The following FBXL20 variants were observed in gnomAD, a reference collection of about 807,000 sequenced individuals.
The protein encoded by FBXL20 is F-box/LRR-repeat protein 20.
In FBXL20, 11 loss-of-function variants were observed where a neutral mutation model predicts 64.0. That is an observed-to-expected ratio of 0.17 (90% confidence interval 0.11 to 0.28). The LOEUF (loss-of-function observed/expected upper bound fraction) is 0.28. Among genes scored for constraint, FBXL20 ranks in the 10% least tolerant of loss-of-function variants. The probability of loss-of-function intolerance (pLI) is 1.00; values close to 1 mark genes in which losing one functional copy is unlikely to be tolerated. For missense variants in FBXL20, 303 were observed against 526.2 expected (o/e 0.58, Z 4.15); for synonymous variants, 184 against 189.0 (o/e 0.97, Z 0.22).
At chr17:39,386,178 G>A (rs888372493) in intron 1 of FBXL20, among the ~76,000 whole-genome samples, 28 of 151,502 alleles carry the variant, frequency 1.8e-4, no homozygotes, top group Non-Finnish European at 3.7e-4. Flanking sequence ...CCGGTGGTAC[G>A]TGCCTGTATT....
At position 39,373,571 on chromosome 17, in the gene FBXL20, C is replaced by A. The variant is rs570735832; in HGVS notation, c.42+27790G>T. Reference sequence around the variant, plus strand: ...TTTCTCCATTTGTCTAGAAATTCTGCAAGGATGAGGAATGCTTTTCTTGAG... The same window carrying A: ...TTTCTCCATTTGTCTAGAAATTCTGAAAGGATGAGGAATGCTTTTCTTGAG... On this transcript the variant is annotated intron_variant, in intron 1 of 14. Coordinates refer to ENST00000264658, the MANE Select transcript of FBXL20 (RefSeq NM_032875.3). Among the ~76,000 whole-genome samples the A allele has an allele frequency of 1.2e-4, 18 of 152,302 alleles. No homozygotes were observed. The South Asian group carries it at 3.7e-3, about 32-fold the overall frequency.
At chr17:39,365,284 A>T (rs952366880) in intron 1 of FBXL20, among the ~76,000 whole-genome samples, 1 of 152,222 alleles carries the variant, frequency 6.6e-6, no homozygotes, top group Non-Finnish European at 1.5e-5. Flanking sequence ...TTCTTGCCCG[A>T]ATCTAAAAGG....
chr17:39,274,897 G>T (rs2046876180), intron 10 of FBXL20, 73 bp downstream of exon 10: 1 of 1,592,754 alleles, frequency 6.3e-7, no homozygotes. Flanking sequence ...AAATTCCAAA[G>T]TTCCAAGGAA....
chr17:39,374,476 G>A (rs2047948299), intron 1 of FBXL20, among the ~76,000 whole-genome samples: 1 of 151,696 alleles, frequency 6.6e-6, no homozygotes, highest in Admixed American at 6.6e-5. Context: ...GGGAGGCGGA[G>A]GTTGCAGTGA....
chr17:39,356,985 G>T (rs1450327421), intron 1 of FBXL20, among the ~76,000 whole-genome samples: 1 of 148,478 alleles, frequency 6.7e-6, no homozygotes, highest in African/African-American at 2.5e-5. Context: ...AGTCTTTAAA[G>T]CAAATGGGGC....
intron 1 of FBXL20, among the ~76,000 whole-genome samples, chr17:39,350,411 C>T (rs1469437349): frequency 1.3e-5 from 2 of 151,920 alleles, no homozygotes; most frequent in Non-Finnish European, 2.9e-5. Flanking sequence ...ATCGCTTGAA[C>T]CTGGAAGGCA....
rs986664519 is a variant in FBXL20 at position 39,253,087 on chromosome 17, C to T, written c.*8373G>A. The stretch of plus-strand genomic sequence containing the variant: ...AGGGAATCAGACCCTTCAGGTCAAC[C>T]ACCTCTGCATTTTACCCCCTCAGGG... On this transcript the variant is annotated 3_prime_UTR_variant, in exon 15 of 15. Transcript: ENST00000264658. 1.3e-5 allele frequency: 2 copies of T among 152,648 alleles called. No homozygotes were observed. Among genetic ancestry groups the T allele is most frequent in the African/African-American group, 4.8e-5 (2 of 41,464 alleles). The allele number at this position is 152,648 out of a possible 1,614,324, so 9.5% of individuals were successfully genotyped here.
chr17:39,302,474 C>T (rs550283877), intron 3 of FBXL20, among the ~76,000 whole-genome samples: 138 of 151,060 alleles, frequency 9.1e-4, no homozygotes, highest in African/African-American at 3.1e-3. Context: ...CCCGGGTTCA[C>T]GCCATTCTCC....
intron 1 of FBXL20, among the ~76,000 whole-genome samples, chr17:39,378,000 A>C (rs975688811): frequency 6.6e-6 from 1 of 152,112 alleles, no homozygotes; most frequent in African/African-American, 2.4e-5. Context: ...CGACAGAGCA[A>C]GACCCTATCC....
intron 1 of FBXL20, among the ~76,000 whole-genome samples, chr17:39,360,032 G>A (rs1305803912): frequency 3.2e-4 from 48 of 151,910 alleles, no homozygotes; most frequent in Non-Finnish European, 4.4e-5. Flanking sequence ...GTTGTTTTAT[G>A]ATTATATAAA....
chr17:39,366,068 T>G (rs1238621695), intron 1 of FBXL20, among the ~76,000 whole-genome samples: 1 of 152,094 alleles, frequency 6.6e-6, no homozygotes, highest in Non-Finnish European at 1.5e-5. Flanking sequence ...GCGATCATAG[T>G]ACACCCTCAA....
intron 1 of FBXL20, among the ~76,000 whole-genome samples, chr17:39,395,843 C>G: frequency 6.6e-6 from 1 of 152,104 alleles, no homozygotes; most frequent in African/African-American, 2.4e-5. Context: ...GAGAGAAGCT[C>G]TGGCATTAGA....
At chr17:39,261,696 G>C (rs1386119043) in intron 14 of FBXL20, 129 bp from the exon 15 acceptor site, 1 of 642,040 alleles carries the variant, frequency 1.6e-6, no homozygotes, top group Non-Finnish European at 2.7e-6. Context: ...CACTGGTCAG[G>C]ATGTTAGAGG....
intron 9 of FBXL20, among the ~76,000 whole-genome samples, chr17:39,280,318 G>A (rs1477088095): frequency 6.8e-6 from 1 of 147,734 alleles, no homozygotes; most frequent in African/African-American, 2.5e-5. Flanking sequence ...TAGGAGAATT[G>A]TTTGAACCCG....
At chr17:39,362,490 A>ATTT (rs2047807341) in intron 1 of FBXL20, among the ~76,000 whole-genome samples, 1 of 129,504 alleles carries the variant, frequency 7.7e-6, no homozygotes, top group African/African-American at 2.9e-5. Context: ...CACCCAGCTA[A>ATTT]TTTTCTATTT....
chr17:39,328,853 AG>A (rs2047434251), intron 2 of FBXL20, among the ~76,000 whole-genome samples: 1 of 152,182 alleles, frequency 6.6e-6, no homozygotes, highest in African/African-American at 2.4e-5. Flanking sequence ...CAGGAGTTCA[AG>A]ACAGCCTAGG....
intron 2 of FBXL20, among the ~76,000 whole-genome samples, chr17:39,334,088 G>A (rs1203457766): frequency 2.0e-5 from 3 of 152,216 alleles, no homozygotes; most frequent in Non-Finnish European, 4.4e-5. Flanking sequence ...TGTGTAGAAA[G>A]AAGTAGACAT....
At chr17:39,349,081 G>A (rs576312486) in intron 1 of FBXL20, among the ~76,000 whole-genome samples, 7 of 151,656 alleles carry the variant, frequency 4.6e-5, no homozygotes, top group Admixed American at 2.0e-4. Context: ...ATGAAACCCC[G>A]TCTCTACTAA....
intron 9 of FBXL20, among the ~76,000 whole-genome samples, chr17:39,276,701 G>A (rs563245013): frequency 4.7e-4 from 72 of 152,172 alleles, no homozygotes; most frequent in Non-Finnish European, 9.4e-4. Flanking sequence ...CACCACGCCC[G>A]GCCCAGGTAC....
Sources: allele counts gnomAD v4.1 joint callset (sites outside exome capture counted in the v4.1 genomes callset), GRCh38; gene constraint gnomAD v4.1.1; transcripts MANE v1.5; gene names NCBI Gene and HGNC (gene_info 2026-07-23, HGNC 2026-07-21).